Variants in TMEM202 observed in about 807,000 individuals in gnomAD.
TMEM202 encodes transmembrane protein 202.
TMEM202 carries 25 observed loss-of-function variants against 26.1 expected under a neutral mutation model. That is an observed-to-expected ratio of 0.96 (90% CI 0.70 to 1.34). The LOEUF is 1.34. Ranked by LOEUF, TMEM202 falls within the 40% of genes most tolerant of loss-of-function variation. The probability of loss-of-function intolerance (pLI) is 0.00; values close to 1 mark genes in which losing one functional copy is unlikely to be tolerated. For synonymous variants in TMEM202, 122 were observed against 119.0 expected (o/e 1.02, Z -0.16); for missense variants, 301 against 327.7 (o/e 0.92, Z 0.63).
intron 3 of TMEM202, 37 bp downstream of exon 3, chr15:72,406,788 A>G: frequency 6.2e-7 from 1 of 1,602,594 alleles, no homozygotes; most frequent in Middle Eastern, 1.7e-4. Context: ...TTACCATGGT[A>G]AAATAGTCAA....
chr15:72,406,771 G>A lies in TMEM202; in HGVS notation c.487+20G>A, dbSNP rs1354746122. 6.2e-7 allele frequency: 1 copy of A among 1,611,732 alleles called. No individual in the cohort carries two copies. The highest frequency in any genetic ancestry group is 1.7e-5 in the Admixed American group (1 of 59,436). On this transcript the variant is annotated intron_variant, in intron 3 of 4. Coordinates refer to ENST00000341689, the MANE Select transcript of TMEM202 (RefSeq NM_001080462.3). ...TCTCAGGTACAGACCTAGACTGGCA[G>A]GGTATTTTACCATGGTAAAATAGTC...
Position 72,406,752 on chromosome 15 carries a change from G to T in TMEM202, c.487+1G>T, listed in dbSNP as rs372694918. The T allele has an allele frequency of 1.2e-6, 2 of 1,613,972 alleles. No individual in the cohort carries two copies. The highest frequency in any genetic ancestry group is 1.7e-5 in the Admixed American group (1 of 59,992). On this transcript the variant is annotated splice_donor_variant, in intron 3 of 4. Coordinates refer to ENST00000341689, the MANE Select transcript of TMEM202 (RefSeq NM_001080462.3). LOFTEE classifies it high-confidence loss of function. ...GTATCCATGCTCAGCTTCATCTCAG[G>T]TACAGACCTAGACTGGCAGGGTATT...
At chr15:72,404,426 T>C (rs1462575944) in intron 2 of TMEM202, among the ~76,000 whole-genome samples, 1 of 151,098 alleles carries the variant, frequency 6.6e-6, no homozygotes, top group African/African-American at 2.4e-5. Flanking sequence ...AAGAAAAAGA[T>C]AAAGAAAAAA....
intron 2 of TMEM202, 74 bp from the exon 3 acceptor site, chr15:72,406,528 A>G: frequency 1.0e-5 from 12 of 1,166,092 alleles, no homozygotes; most frequent in Non-Finnish European, 1.4e-5. Flanking sequence ...CTTCTCTAAG[A>G]CTCTATCTGG....
intron 2 of TMEM202, among the ~76,000 whole-genome samples, chr15:72,401,233 G>A (rs2063546187): frequency 6.6e-6 from 1 of 152,078 alleles, no homozygotes; most frequent in Non-Finnish European, 1.5e-5. Flanking sequence ...GTAGGTTTCA[G>A]CCTTATTTTA....
chr15:72,402,048 C>A (rs187551041), intron 2 of TMEM202, among the ~76,000 whole-genome samples: 1 of 152,244 alleles, frequency 6.6e-6, no homozygotes, highest in African/African-American at 2.4e-5. Flanking sequence ...TCACTGCAAC[C>A]TCTCCCTCCC....
At chr15:72,406,865 A>G (rs1000884392) in intron 3 of TMEM202, 114 bp downstream of exon 3, 6 of 1,295,388 alleles carry the variant, frequency 4.6e-6, no homozygotes, top group Non-Finnish European at 6.4e-6. Context: ...CTTCAGTATC[A>G]CACCAACTTG....
rs746158097 is a variant in TMEM202 at position 72,406,650 on chromosome 15, T to C, written c.386T>C (p.Ile129Thr). The change falls in exon 3 of 5, where the codon ATA (isoleucine) becomes ACA (threonine). Residue 129 changes from isoleucine (I) to threonine (T), a missense_variant. Ile to Thr is a moderately conservative substitution (Grantham distance 89). Coordinates refer to ENST00000341689, the MANE Select transcript of TMEM202 (RefSeq NM_001080462.3). ...RAFFLISVFT[I>T]LTGLGWLFSS... ...TTCTTTCTCATCTCTGTCTTTACCA[T>C]ACTTACTGGCCTTGGCTGGCTCTTC... is the stretch of plus-strand genomic sequence containing the variant. 1.9e-6 allele frequency: 3 copies of C among 1,614,014 alleles called. No homozygotes were observed. The highest frequency in any genetic ancestry group is 2.5e-6 in the Non-Finnish European group (3 of 1,179,874).
chr15:72,402,980 G>A (rs1256385255), intron 2 of TMEM202, among the ~76,000 whole-genome samples: 1 of 152,076 alleles, frequency 6.6e-6, no homozygotes, highest in East Asian at 1.9e-4. Context: ...CCTTGAAAGC[G>A]GTCACAATGG....
At chr15:72,401,728 T>C (rs1359493498) in intron 2 of TMEM202, among the ~76,000 whole-genome samples, 1 of 152,162 alleles carries the variant, frequency 6.6e-6, no homozygotes, top group African/African-American at 2.4e-5. Context: ...CTTTGTTTTA[T>C]CTCTACAGAC....
intron 2 of TMEM202, among the ~76,000 whole-genome samples, chr15:72,406,009 G>C (rs2063569274): frequency 6.6e-6 from 1 of 152,132 alleles, no homozygotes; most frequent in Non-Finnish European, 1.5e-5. Context: ...GATAGAGCTG[G>C]AAGTGAAAAA....
chr15:72,398,478 A>G (rs2063531869), intron 1 of TMEM202, 71 bp downstream of exon 1: 1 of 1,450,450 alleles, frequency 6.9e-7, no homozygotes, highest in African/African-American at 1.4e-5. Flanking sequence ...TACACAGAGC[A>G]TCCTAAAGAC....
Position 72,406,692 on chromosome 15 carries a change from A to G in TMEM202, c.428A>G (p.Asn143Ser). The G allele has an allele frequency of 6.2e-7, 1 of 1,614,116 alleles. No individual in the cohort carries two copies. The highest frequency in any genetic ancestry group is 8.5e-7 in the Non-Finnish European group (1 of 1,180,014). ...TGGCTCTTCAGCTCTTGGATCCTTAATCGAGGAAGCATGACCACCAACTTG... is the reference window on the plus strand; with the variant it reads ...TGGCTCTTCAGCTCTTGGATCCTTAGTCGAGGAAGCATGACCACCAACTTG... The part of the protein sequence containing the change: ...LGWLFSSWIL[N>S]RGSMTTNLDL... Residue 143 changes from asparagine to serine, a missense_variant, in exon 3 of 5, where the codon AAT becomes AGT. Asn to Ser is a conservative substitution (Grantham distance 46). Transcript: ENST00000341689.
At chr15:72,404,127 G>T (rs907881523) in intron 2 of TMEM202, among the ~76,000 whole-genome samples, 1 of 152,114 alleles carries the variant, frequency 6.6e-6, no homozygotes, top group Non-Finnish European at 1.5e-5. Flanking sequence ...AGATTCAGAA[G>T]AATCTGCCAG....
intron 2 of TMEM202, among the ~76,000 whole-genome samples, chr15:72,405,134 A>T (rs940832574): frequency 6.6e-6 from 1 of 152,156 alleles, no homozygotes; most frequent in African/African-American, 2.4e-5. Flanking sequence ...CAGATATTAG[A>T]CTGGATAAGC....
chr15:72,407,809 T>G lies in TMEM202; in HGVS notation c.738T>G (p.Pro246=). The G allele has an allele frequency of 6.2e-7, 1 of 1,614,052 alleles. No homozygotes were observed. Among genetic ancestry groups the G allele is most frequent in the African/African-American group, 1.3e-5 (1 of 75,022 alleles). The change falls in exon 5 of 5, where the codon CCT becomes CCG. Residue 246 remains proline (P), a synonymous_variant. Transcript: ENST00000341689. ...LGVGPVTTVS[P]AKDEGPRSEM... is the part of the protein sequence containing the mutation. Reference sequence around the variant, plus strand: ...TTGGTCCGGTGACTACAGTATCACCTGCTAAAGATGAAGGGCCAAGGTCTG... The same window carrying G: ...TTGGTCCGGTGACTACAGTATCACCGGCTAAAGATGAAGGGCCAAGGTCTG...
chr15:72,401,819 T>C (rs1481266378), intron 2 of TMEM202, among the ~76,000 whole-genome samples: 1 of 152,160 alleles, frequency 6.6e-6, no homozygotes, highest in Non-Finnish European at 1.5e-5. Flanking sequence ...TCCATGTTAT[T>C]ATAACTAGCT....
At chr15:72,407,307 G>T (rs1304198524) in intron 4 of TMEM202, 90 bp downstream of exon 4, 2 of 1,437,490 alleles carry the variant, frequency 1.4e-6, no homozygotes, top group Non-Finnish European at 1.9e-6. Flanking sequence ...TAGAAGCACT[G>T]ACTGTTCCTT....
At chr15:72,399,437 G>A (rs2063537731) in intron 2 of TMEM202, among the ~76,000 whole-genome samples, 1 of 152,154 alleles carries the variant, frequency 6.6e-6, no homozygotes, top group South Asian at 2.1e-4. Context: ...CACCATGCCT[G>A]CCCTAGGAAT....
Sources: allele counts gnomAD v4.1 joint callset (sites outside exome capture counted in the v4.1 genomes callset), GRCh38; gene constraint gnomAD v4.1.1; transcripts MANE v1.5; gene names NCBI Gene and HGNC (gene_info 2026-07-23, HGNC 2026-07-21).